Variants in ACADSB observed in about 807,000 individuals in gnomAD.
ACADSB encodes the protein short/branched chain specific acyl-CoA dehydrogenase, mitochondrial.
In ACADSB, 40 loss-of-function variants were observed where a neutral mutation model predicts 54.1. That is an observed-to-expected ratio of 0.74 (90% CI 0.57 to 0.96). The LOEUF (loss-of-function observed/expected upper bound fraction) is 0.96. Ranked by LOEUF, ACADSB falls within the 40% of genes least tolerant of loss-of-function variation. ACADSB has a pLI of 0.00. For synonymous variants in ACADSB, 182 were observed against 182.8 expected (o/e 1.00, Z 0.03); for missense variants, 530 against 510.4 (o/e 1.04, Z -0.37).
chr10:123,040,724 C>G, intron 4 of ACADSB, 52 bp downstream of exon 4: 1 of 1,545,614 alleles, frequency 6.5e-7, no homozygotes, highest in Non-Finnish European at 8.9e-7. Context: ...AGTAAGTTTA[C>G]AATATTTTCA....
intron 2 of ACADSB, 120 bp downstream of exon 2, chr10:123,034,635 T>C: frequency 9.2e-7 from 1 of 1,082,800 alleles, no homozygotes; most frequent in Non-Finnish European, 1.4e-6. Flanking sequence ...TTCAGCCTCC[T>C]GAATAGCTGG....
intron 2 of ACADSB, among the ~76,000 whole-genome samples, chr10:123,034,929 CT>C (rs1275652510): frequency 2.0e-5 from 3 of 151,122 alleles, no homozygotes; most frequent in African/African-American, 4.8e-5. Context: ...AGTGGGTTTT[CT>C]TTTTCTTTCT....
intron 1 of ACADSB, among the ~76,000 whole-genome samples, chr10:123,018,612 C>T (rs548006447): frequency 3.3e-5 from 5 of 152,188 alleles, no homozygotes; most frequent in African/African-American, 1.2e-4. Context: ...AAATCTAATC[C>T]ATTGGTACAC....
At position 123,040,477 on chromosome 10, in the gene ACADSB, T is replaced by G; in HGVS notation, c.315T>G (p.Ile105Met). The change falls in exon 4 of 11, where the codon ATT (isoleucine) becomes ATG (methionine). Residue 105 changes from isoleucine (I) to methionine (M), a missense_variant. Ile to Met is a conservative substitution (Grantham distance 10). Transcript: ENST00000358776. Reference protein sequence around the residue: ...QGLFQQGLMGIEVDPEYGGTG... With the variant: ...QGLFQQGLMGMEVDPEYGGTG... The stretch of plus-strand genomic sequence containing the variant: ...TGTTTTTTCTTTAGTTGATGGGTAT[T>G]GAAGTTGACCCAGAATATGGAGGCA... 6.2e-7 allele frequency: 1 copy of G among 1,614,052 alleles called. No individual in the cohort carries two copies. The highest frequency in any genetic ancestry group is 1.1e-5 in the South Asian group (1 of 91,080).
intron 1 of ACADSB, among the ~76,000 whole-genome samples, chr10:123,013,791 G>T (rs897352306): frequency 1.3e-5 from 2 of 152,204 alleles, no homozygotes; most frequent in Non-Finnish European, 2.9e-5. Flanking sequence ...CCTGCCGGCC[G>T]CTCCGAGTGC....
chr10:123,039,770 A>T (rs117258083), intron 3 of ACADSB, among the ~76,000 whole-genome samples: 58 of 152,326 alleles, frequency 3.8e-4, no homozygotes, highest in African/African-American at 1.3e-3. Context: ...TGGGTAGGGC[A>T]TGTTGAAAAA....
Position 123,051,186 on chromosome 10 carries a change from GGTAAA to G in ACADSB, c.1128+1_1128+5del. On this transcript the variant is annotated splice_donor_variant and splice_donor_5th_base_variant and intron_variant, in intron 9 of 10. Transcript: ENST00000358776. LOFTEE classifies it high-confidence loss of function. Reference sequence around the variant, plus strand: ...CAATGGCCAAATACTATGCATCAGAGGTAAAAAAAAAAAAAAAAAAAAAAAAGGAA... The same window carrying G: ...CAATGGCCAAATACTATGCATCAGAGAAAAAAAAAAAAAAAAAAAAAGGAA... The G allele has an allele frequency of 1.2e-6, 1 of 855,412 alleles. No individual in the cohort carries two copies. The highest frequency in any genetic ancestry group is 1.5e-6 in the Non-Finnish European group (1 of 655,084). 53.0% of individuals were successfully genotyped at this position (855,412 alleles called of 1,614,324 possible). A position where few individuals can be genotyped will look rare whatever the true frequency, so the allele number is the denominator to read the frequency against.
chr10:123,016,464 C>T (rs1464163080), intron 1 of ACADSB, among the ~76,000 whole-genome samples: 4 of 152,218 alleles, frequency 2.6e-5, no homozygotes, highest in East Asian at 1.9e-4. Flanking sequence ...TTGCCCAAGA[C>T]GCAGCTACTG....
At chr10:123,038,983 G>A (rs1850436525) in intron 3 of ACADSB, among the ~76,000 whole-genome samples, 1 of 152,026 alleles carries the variant, frequency 6.6e-6, no homozygotes, top group Non-Finnish European at 1.5e-5. Context: ...CTGCAGCGGG[G>A]CTGTCTGCAG....
chr10:123,042,163 G>A (rs752322074), intron 5 of ACADSB, among the ~76,000 whole-genome samples: 4 of 151,616 alleles, frequency 2.6e-5, no homozygotes, highest in African/African-American at 7.3e-5. Flanking sequence ...ACAGAGTTTC[G>A]CCATGTTGGC....
intron 1 of ACADSB, among the ~76,000 whole-genome samples, chr10:123,011,870 T>TA (rs1850040864): frequency 1.3e-5 from 2 of 151,548 alleles, no homozygotes; most frequent in Admixed American, 6.6e-5. Flanking sequence ...TTTTTTTTTT[T>TA]AGACAAGTTT....
chr10:123,024,318 G>A (rs1041016188), intron 1 of ACADSB, among the ~76,000 whole-genome samples: 1 of 152,242 alleles, frequency 6.6e-6, no homozygotes, highest in Non-Finnish European at 1.5e-5. Flanking sequence ...GCCACATGTA[G>A]GGATTAGGGA....
intron 1 of ACADSB, among the ~76,000 whole-genome samples, chr10:123,013,652 G>A (rs117055374): frequency 0.027 from 4,134 of 152,360 alleles, 91 homozygotes; most frequent in Non-Finnish European, 0.044. Flanking sequence ...CCTGCCCCGC[G>A]GAGAGGCAGC....
At chr10:123,043,841 G>GT (rs1318996604) in intron 6 of ACADSB, among the ~76,000 whole-genome samples, 2 of 152,118 alleles carry the variant, frequency 1.3e-5, no homozygotes, top group Non-Finnish European at 2.9e-5. Flanking sequence ...ACTAAGTATA[G>GT]TTTTTTATTA....
intron 7 of ACADSB, 28 bp downstream of exon 7, chr10:123,044,513 T>C: frequency 1.9e-6 from 3 of 1,555,160 alleles, no homozygotes; most frequent in East Asian, 2.2e-5. Context: ...TCTTCCATGA[T>C]GTGAGTCAAT....
chr10:123,050,995 A>G, intron 8 of ACADSB, 54 bp from the exon 9 acceptor site: 1 of 1,592,232 alleles, frequency 6.3e-7, no homozygotes, highest in Middle Eastern at 2.3e-4. Flanking sequence ...TTTGAGGTTG[A>G]GGTGCTTGCT....
At chr10:123,012,239 T>C (rs1850045839) in intron 1 of ACADSB, among the ~76,000 whole-genome samples, 1 of 152,234 alleles carries the variant, frequency 6.6e-6, no homozygotes, top group South Asian at 2.1e-4. Context: ...CCAAAATACA[T>C]ATAATTCTTG....
At chr10:123,016,485 A>G (rs1444784251) in intron 1 of ACADSB, among the ~76,000 whole-genome samples, 1 of 152,264 alleles carries the variant, frequency 6.6e-6, no homozygotes, top group Non-Finnish European at 1.5e-5. Flanking sequence ...TTACAGGCGC[A>G]TACTCCTAAG....
Position 123,053,169 on chromosome 10 carries a change from ATT to A in ACADSB, c.1228+20_1228+21del, listed in dbSNP as rs11307362. 14,505 of 1,191,928 alleles carry A rather than the reference ATT, an allele frequency of 0.012. 22 individuals are homozygous for A. The highest frequency in any genetic ancestry group is 0.036 in the East Asian group (1,282 of 35,614). The allele number at this position is 1,191,928 out of a possible 1,614,324, so 73.8% of individuals were successfully genotyped here. ...CCGAGATGCAAAGATTGGTAAATAG[ATT>A]TTTTTTTTTTACATTTTATTTTGTT... On this transcript the variant is annotated intron_variant, in intron 10 of 10. Transcript: ENST00000358776.
Sources: gnomAD v4.1 joint callset for allele counts (sites outside exome capture counted in the v4.1 genomes callset) on GRCh38, gnomAD v4.1.1 for gene constraint, MANE v1.5 for transcripts, NCBI Gene and HGNC (gene_info 2026-07-23, HGNC 2026-07-21) for gene names.